TMED3: variants seen among roughly 807,000 people sequenced by gnomAD.
The protein encoded by TMED3 is transmembrane p24 trafficking protein 3.
A neutral mutation model predicts 15.0 loss-of-function variants in TMED3; 9 were observed. The ratio of observed to expected loss-of-function variants is 0.60; its 90% CI spans 0.36 to 1.04. The LOEUF is 1.04. Ranked by LOEUF, TMED3 falls within the 50% of genes least tolerant of loss-of-function variation. TMED3 has a pLI of 0.01. For synonymous variants in TMED3, 117 were observed against 121.4 expected (o/e 0.96, Z 0.24); for missense variants, 267 against 278.9 (o/e 0.96, Z 0.30).
intron 2 of TMED3, among the ~76,000 whole-genome samples, chr15:79,359,651 G>A (rs1893085628): frequency 1.3e-5 from 2 of 152,162 alleles, no homozygotes; most frequent in Non-Finnish European, 2.9e-5. Flanking sequence ...CAAATAAATG[G>A]TATAGAATTT....
chr15:79,332,068 C>G (rs4583215), intron 2 of TMED3, among the ~76,000 whole-genome samples: 27,426 of 147,826 alleles, frequency 0.19, 2,466 homozygotes, highest in Admixed American at 0.25. Context: ...TAAATAAATA[C>G]ATAAATAAGA....
intron 2 of TMED3, among the ~76,000 whole-genome samples, chr15:79,375,513 G>A (rs914394353): frequency 3.3e-5 from 5 of 152,200 alleles, no homozygotes; most frequent in East Asian, 3.9e-4. Flanking sequence ...ATTGGCTCAC[G>A]GTTCTGCAGG....
At chr15:79,340,260 A>G (rs75040405) in intron 2 of TMED3, among the ~76,000 whole-genome samples, 1,846 of 152,326 alleles carry the variant, frequency 0.012, 84 homozygotes, top group East Asian at 0.11. Context: ...GGCACAAGCC[A>G]TGGTCTCCAC....
rs1197846486 is a variant in TMED3, at chr15:79,352,988, T to A, written c.417+38983T>A. Among the ~76,000 whole-genome samples the A allele has an allele frequency of 3.0e-5, 3 of 98,960 alleles. No homozygotes were observed. The Admixed American group carries it at 4.2e-4, about 14-fold the overall frequency. 64.9% of individuals were successfully genotyped at this position (98,960 alleles called of 152,430 possible). ...ATATATAAAATATATATAAATTATA[T>A]ATTATGTTATATAAAATATATATTA... On this transcript the variant is annotated intron_variant, in intron 2 of 2. Transcript: ENST00000424155.
intron 2 of TMED3, among the ~76,000 whole-genome samples, chr15:79,346,875 T>G (rs1057283553): frequency 2.6e-5 from 4 of 152,120 alleles, no homozygotes; most frequent in Non-Finnish European, 5.9e-5. Flanking sequence ...GCTCTGAAAT[T>G]GAGCCAGTAA....
intron 2 of TMED3, among the ~76,000 whole-genome samples, chr15:79,405,496 A>G (rs1461889125): frequency 6.6e-6 from 1 of 152,144 alleles, no homozygotes; most frequent in African/African-American, 2.4e-5. Context: ...ATTCCTAAGG[A>G]CTATACACGC....
intron 2 of TMED3, among the ~76,000 whole-genome samples, chr15:79,339,084 C>T (rs1412461277): frequency 6.6e-6 from 1 of 152,214 alleles, no homozygotes; most frequent in Admixed American, 6.5e-5. Context: ...ACTCCTGGCT[C>T]TGCCTTCTAG....
chr15:79,388,158 C>G (rs1380287875), intron 2 of TMED3, among the ~76,000 whole-genome samples: 1 of 152,018 alleles, frequency 6.6e-6, no homozygotes, highest in Non-Finnish European at 1.5e-5. Flanking sequence ...ATATTTTTGT[C>G]TTTTTCCCAA....
chr15:79,320,117 A>G lies in TMED3; in HGVS notation c.418-1861A>G, dbSNP rs140027639. ...GGTGTTTTTCCTTGACACTGACGCT[A>G]CCGCTAGACCACAGTCCACTTGGCA... On this transcript the variant is annotated intron_variant, in intron 2 of 2. Coordinates refer to ENST00000299705, the MANE Select transcript of TMED3 (RefSeq NM_007364.4). Among the ~76,000 whole-genome samples the G allele has an allele frequency of 9.9e-4, 151 of 152,260 alleles. 2 individuals carry two copies. In the East Asian group the frequency reaches 0.028, roughly 28 times the overall value.
Position 79,380,600 on chromosome 15 carries a change from T to TAG in TMED3, c.418-30789_418-30788dup, listed in dbSNP as rs768333428. Among the ~76,000 whole-genome samples the TAG allele has an allele frequency of 1.1e-3, 157 of 146,554 alleles. 2 individuals are homozygous for TAG. The highest frequency in any genetic ancestry group is 2.8e-3 in the East Asian group (14 of 5,086). ...ATAGTTTTATATATATATATATATA[T>TAG]AGAGAGAGAGAGGGTATATTTTCTG... is the stretch of plus-strand genomic sequence containing the variant. On this transcript the variant is annotated intron_variant, in intron 2 of 2. Transcript: ENST00000424155.
At chr15:79,311,530 C>A in intron 1 of TMED3, 113 bp downstream of exon 1, 1 of 1,334,106 alleles carries the variant, frequency 7.5e-7, no homozygotes. Flanking sequence ...TACAGGGAGG[C>A]TGCATGGGGT....
chr15:79,394,408 C>T (rs761736819), intron 2 of TMED3, among the ~76,000 whole-genome samples: 17 of 152,148 alleles, frequency 1.1e-4, no homozygotes, highest in Non-Finnish European at 1.6e-4. Flanking sequence ...GAGAGACTGA[C>T]TCATCCTTCT....
chr15:79,400,626 G>A (rs916393574), intron 2 of TMED3, among the ~76,000 whole-genome samples: 1 of 152,192 alleles, frequency 6.6e-6, no homozygotes, highest in Non-Finnish European at 1.5e-5. Flanking sequence ...AAGTAGGAGA[G>A]TAAGTGATAA....
At chr15:79,324,152 G>T (rs1013410309), downstream of TMED3, among the ~76,000 whole-genome samples, 15 of 152,044 alleles carry the variant, frequency 9.9e-5, no homozygotes, top group Non-Finnish European at 1.9e-4. Flanking sequence ...CACCACGCCC[G>T]GCTAATTTTT....
At chr15:79,339,650 G>A (rs376119130) in intron 2 of TMED3, among the ~76,000 whole-genome samples, 4 of 152,150 alleles carry the variant, frequency 2.6e-5, no homozygotes, top group African/African-American at 4.8e-5. Context: ...AGCTGCTAGC[G>A]GGTGGTGATG....
At chr15:79,376,170 C>A (rs901317992) in intron 2 of TMED3, among the ~76,000 whole-genome samples, 1 of 138,452 alleles carries the variant, frequency 7.2e-6, no homozygotes, top group Non-Finnish European at 1.5e-5. Flanking sequence ...AGTGCAGTGG[C>A]GCGATCTCGG....
rs1473817235 is a variant in TMED3 at position 79,321,997 on chromosome 15, C to T, written c.437C>T (p.Thr146Ile). The change falls in exon 3 of 3, where the codon ACC becomes ATC. Residue 146 changes from threonine (T) to isoleucine (I), a missense_variant. Physicochemically the swap from Thr to Ile is moderately conservative, Grantham distance 89. Coordinates refer to ENST00000299705, the MANE Select transcript of TMED3 (RefSeq NM_007364.4). ...GCCCAGATGGAGTCCGCCTGCGTGACCATCCATGAGGCTCTGAAAACGGTG... is the reference window on the plus strand; with the variant it reads ...GCCCAGATGGAGTCCGCCTGCGTGATCATCCATGAGGCTCTGAAAACGGTG... ...ALTQMESACV[T>I]IHEALKTVID... 4.3e-6 allele frequency: 7 copies of T among 1,614,196 alleles called. No homozygotes were observed. Among genetic ancestry groups the T allele is most frequent in the Non-Finnish European group, 5.9e-6 (7 of 1,180,032 alleles).
chr15:79,327,443 C>T (rs975640195), downstream of TMED3, among the ~76,000 whole-genome samples: 29 of 152,298 alleles, frequency 1.9e-4, no homozygotes, highest in Admixed American at 3.9e-4. Context: ...ATGATTAGAA[C>T]AAAACTGCAA....
At chr15:79,382,834 G>C (rs1056883168) in intron 2 of TMED3, 1 of 787,004 alleles carries the variant, frequency 1.3e-6, no homozygotes, top group Non-Finnish European at 2.0e-6. Flanking sequence ...TTCAGATATA[G>C]GTGCAGGGAA....
Sources: allele counts gnomAD v4.1 joint callset (sites outside exome capture counted in the v4.1 genomes callset), GRCh38; gene constraint gnomAD v4.1.1; transcripts MANE v1.5; gene names NCBI Gene and HGNC (gene_info 2026-07-23, HGNC 2026-07-21).